TPM1: variants seen among roughly 807,000 people sequenced by gnomAD.
TPM1 encodes tropomyosin alpha-1 chain.
Under a neutral mutation model 42.9 loss-of-function variants are expected in TPM1, and 24 were observed. The ratio of observed to expected loss-of-function variants is 0.56; its 90% CI spans 0.41 to 0.79. The LOEUF is 0.79. Among genes scored for constraint, TPM1 ranks in the 30% least tolerant of loss-of-function variants. The pLI is 0.00. For missense variants in TPM1, 158 were observed against 351.8 expected (o/e 0.45, Z 4.41); for synonymous variants, 136 against 130.1 (o/e 1.05, Z -0.31).
intron 2 of TPM1, chr15:63,048,783 T>TA: frequency 1.4e-6 from 2 of 1,481,334 alleles, no homozygotes; most frequent in Admixed American, 2.1e-5. Context: ...CCCTCCTGCT[T>TA]CCCCCCCCGC....
intron 8 of TPM1, 25 bp from the exon 9 acceptor site, chr15:63,064,039 T>C: frequency 6.2e-7 from 1 of 1,613,354 alleles, no homozygotes; most frequent in Non-Finnish European, 8.5e-7. Context: ...TTCTTGCACC[T>C]CTGCCTTCCA....
At position 63,044,765 on chromosome 15, in the gene TPM1, G is replaced by T. The variant is rs547057634; in HGVS notation, c.240+613G>T. 3 of 167,444 alleles carry T rather than the reference G, an allele frequency of 1.8e-5. No homozygotes were observed. The East Asian group carries it at 4.6e-4, about 26-fold the overall frequency. 10.4% of individuals were successfully genotyped at this position (167,444 alleles called of 1,614,324 possible). A position where few individuals can be genotyped will look rare whatever the true frequency, so the allele number is the denominator to read the frequency against. ...ACTTGCTTGGGTCTGCAGTCTGAAG[G>T]CACTAGATCCAGAAAGTAAGCTGTG... On this transcript the variant is annotated intron_variant, in intron 2 of 9. Coordinates refer to ENST00000403994, the MANE Select transcript of TPM1 (RefSeq NM_001018005.2).
chr15:63,043,584 T>A (rs1338155142), intron 1 of TPM1: 1 of 1,460,288 alleles, frequency 6.8e-7, no homozygotes, highest in Non-Finnish European at 9.3e-7. Flanking sequence ...TCGGGTCCTT[T>A]GCACTCCAAC....
At position 63,065,217 on chromosome 15, in the gene TPM1, C is replaced by T. The variant is rs535176341; in HGVS notation, c.852-679C>T. On this transcript the variant is annotated intron_variant, in intron 9 of 9. Transcript: ENST00000403994. ...TGAGAAGAACCTTGAACAGATACAACTAATTTACATATTACTAACCAAACT... is the reference window on the plus strand; with the variant it reads ...TGAGAAGAACCTTGAACAGATACAATTAATTTACATATTACTAACCAAACT... The T allele has an allele frequency of 4.8e-3, 4,730 of 985,882 alleles. 14 individuals are homozygous for T. Among genetic ancestry groups the T allele is most frequent in the Non-Finnish European group, 5.4e-3 (4,482 of 830,156 alleles). 61.1% of individuals were successfully genotyped at this position (985,882 alleles called of 1,614,324 possible).
At chr15:63,063,926 C>T in intron 8 of TPM1, 138 bp from the exon 9 acceptor site, 1 of 1,289,376 alleles carries the variant, frequency 7.8e-7, no homozygotes, top group Non-Finnish European at 1.0e-6. Flanking sequence ...TGGCCACCTG[C>T]TGCGGCACCA....
At chr15:63,061,979 C>T (rs1008363222) in intron 6 of TPM1, 191 bp downstream of exon 6, 1 of 672,562 alleles carries the variant, frequency 1.5e-6, no homozygotes, top group Non-Finnish European at 2.6e-6. Context: ...GGATATGAGG[C>T]ATCAATTTAA....
At chr15:63,064,995 G>C (rs1305175968) in intron 9 of TPM1, 2 of 985,284 alleles carry the variant, frequency 2.0e-6, no homozygotes, top group Admixed American at 6.1e-5. Context: ...AGAGTAAAAA[G>C]AACCCTCTGC....
At chr15:63,055,157 G>C (rs2034578600) in intron 2 of TPM1, among the ~76,000 whole-genome samples, 1 of 152,126 alleles carries the variant, frequency 6.6e-6, no homozygotes, top group African/African-American at 2.4e-5. Flanking sequence ...ATTCCTAGCT[G>C]GGTCCATTTA....
chr15:63,052,448 G>A (rs897275879), intron 2 of TPM1, among the ~76,000 whole-genome samples: 7 of 152,146 alleles, frequency 4.6e-5, no homozygotes, highest in Non-Finnish European at 7.3e-5. Flanking sequence ...GCTTGAACCC[G>A]GGAGGTGGAG....
chr15:63,062,379 C>A, intron 7 of TPM1, 102 bp downstream of exon 7: 1 of 1,357,936 alleles, frequency 7.4e-7, no homozygotes, highest in South Asian at 1.2e-5. Flanking sequence ...TGATCCAAGT[C>A]AGGAATATTC....
chr15:63,061,983 A>G, intron 6 of TPM1, 195 bp downstream of exon 6: 2 of 670,454 alleles, frequency 3.0e-6, no homozygotes, highest in Non-Finnish European at 5.2e-6. Context: ...ATGAGGCATC[A>G]ATTTAATTTA....
intron 2 of TPM1, among the ~76,000 whole-genome samples, chr15:63,050,205 C>CTTCA (rs2033564154): frequency 6.6e-6 from 1 of 152,244 alleles, no homozygotes; most frequent in African/African-American, 2.4e-5. Flanking sequence ...GCTCCTTCAC[C>CTTCA]TTCAGTTCCC....
chr15:63,063,732 C>T (rs2035953341), intron 8 of TPM1: 1 of 273,006 alleles, frequency 3.7e-6, no homozygotes, highest in African/African-American at 2.2e-5. Context: ...CCATTAGCCC[C>T]TGCCTCCCCT....
downstream of TPM1, among the ~76,000 whole-genome samples, chr15:63,067,857 A>C (rs555008426): frequency 6.6e-6 from 1 of 152,324 alleles, no homozygotes; most frequent in East Asian, 1.9e-4. Context: ...ATAGAACCGG[A>C]AGGGAAAACA....
intron 2 of TPM1, chr15:63,056,240 G>A (rs562896890): frequency 6.6e-6 from 1 of 152,350 alleles, no homozygotes; most frequent in Admixed American, 6.5e-5. Flanking sequence ...TCCGATTTCT[G>A]GCTGTACTGC....
intron 2 of TPM1, among the ~76,000 whole-genome samples, chr15:63,052,309 G>A (rs2034044243): frequency 6.6e-6 from 1 of 152,170 alleles, no homozygotes; most frequent in Non-Finnish European, 1.5e-5. Flanking sequence ...GATCACCTGA[G>A]GTCAGCAGTT....
At chr15:63,048,796 G>T (rs1421231427) in intron 2 of TPM1, 2 of 1,492,836 alleles carry the variant, frequency 1.3e-6, no homozygotes, top group Non-Finnish European at 9.0e-7. Context: ...CCCCCCGCAG[G>T]CCCCGGTCCC....
intron 8 of TPM1, chr15:63,062,884 T>C: frequency 6.6e-7 from 1 of 1,505,782 alleles, no homozygotes; most frequent in Middle Eastern, 1.7e-4. Context: ...CTTGACTTCA[T>C]GCTCATTACA....
chr15:63,043,709 G>T, intron 1 of TPM1: 4 of 1,546,528 alleles, frequency 2.6e-6, no homozygotes, highest in Non-Finnish European at 3.5e-6. Flanking sequence ...CCCCCAGCTC[G>T]AGGAGGACAT....
Sources: gnomAD v4.1 joint callset for allele counts (sites outside exome capture counted in the v4.1 genomes callset) on GRCh38, gnomAD v4.1.1 for gene constraint, MANE v1.5 for transcripts, NCBI Gene and HGNC (gene_info 2026-07-23, HGNC 2026-07-21) for gene names.